The following ANK1 variants were observed in gnomAD, a reference collection of about 807,000 sequenced individuals.
ANK1 encodes the protein ankyrin 1.
ANK1 carries 51 observed loss-of-function variants against 210.4 expected under a neutral mutation model. The ratio of observed to expected loss-of-function variants is 0.24; its 90% CI spans 0.19 to 0.31. ANK1 has a LOEUF of 0.31. Ranked by LOEUF, ANK1 falls within the 10% of genes least tolerant of loss-of-function variation. The pLI is 1.00. For synonymous variants in ANK1, 967 were observed against 1,025.9 expected (o/e 0.94, Z 1.10); for missense variants, 2,051 against 2,504.4 (o/e 0.82, Z 3.86).
chr8:41,820,835 C>T (rs1309821915), intron 1 of ANK1, among the ~76,000 whole-genome samples: 2 of 152,086 alleles, frequency 1.3e-5, no homozygotes, highest in African/African-American at 4.8e-5. Flanking sequence ...AAAGCTGATA[C>T]GGCATCCTGA....
intron 1 of ANK1, among the ~76,000 whole-genome samples, chr8:41,785,936 AG>A: frequency 6.6e-6 from 1 of 152,138 alleles, no homozygotes; most frequent in East Asian, 1.9e-4. Context: ...CGTTGTCATC[AG>A]CGGTACTCTC....
At position 41,703,422 on chromosome 8, in the gene ANK1, G is replaced by GTGTATATATA. The variant is rs1286560913; in HGVS notation, c.2295+618_2295+619insTATATATACA. On this transcript the variant is annotated intron_variant, in intron 20 of 42. Coordinates refer to ENST00000289734, the MANE Select transcript of ANK1 (RefSeq NM_000037.4). Reference sequence around the variant, plus strand: ...TATATGTGTGTGTGTGTGTGTGTGTGTATATATATATATATATATATATAT... The same window carrying GTGTATATATA: ...TATATGTGTGTGTGTGTGTGTGTGTGTGTATATATATATATATATATATATATATATATAT... Among the ~76,000 whole-genome samples the GTGTATATATA allele has an allele frequency of 5.6e-3, 300 of 53,656 alleles. 3 individuals are homozygous for GTGTATATATA. Among genetic ancestry groups the GTGTATATATA allele is most frequent in the Non-Finnish European group, 8.0e-3 (229 of 28,734 alleles). The allele number at this position is 53,656 out of a possible 152,430, so 35.2% of individuals were successfully genotyped here.
rs750102641 is a variant in ANK1 at position 41,725,803 on chromosome 8, C to G, written c.570G>C (p.Ala190=). ...AARNDDTRTA[A]VLLQNDPNPD... ...GGTTGGGGTCGTTCTGCAGCAGCAC[C>G]GCAGCCGTGCGCGTGTCGTCGTTGC... Residue 190 remains alanine, a synonymous_variant, in exon 6 of 43, where the codon GCG becomes GCC. Transcript: ENST00000289734. 4 of 1,611,676 alleles carry G rather than the reference C, an allele frequency of 2.5e-6. No individual in the cohort carries two copies. In the Admixed American group the frequency reaches 5.0e-5, roughly 20 times the overall value.
rs1199785583 is a variant in ANK1, at chr8:41,694,341, T to C, written c.3328-239A>G. On this transcript the variant is annotated intron_variant, in intron 28 of 42. Transcript: ENST00000289734. The surrounding 1 kb of genome is among the most constrained non-coding windows in gnomAD (Gnocchi z 5.7). The stretch of plus-strand genomic sequence containing the variant: ...CACCACAGTCAACTCCCGGAGGTCA[T>C]GCGGTTCCTGCATGCTGCACAGACT... 6.6e-6 allele frequency among the ~76,000 whole-genome samples: 1 copy of C among 152,226 alleles called. No homozygotes were observed. Among genetic ancestry groups the C allele is most frequent in the Non-Finnish European group, 1.5e-5 (1 of 68,034 alleles).
At chr8:41,710,474 A>G (rs1825825480) in intron 16 of ANK1, among the ~76,000 whole-genome samples, 1 of 152,226 alleles carries the variant, frequency 6.6e-6, no homozygotes, top group South Asian at 2.1e-4. Flanking sequence ...GGACCTTGTT[A>G]AAATGCAGTG....
intron 37 of ANK1, among the ~76,000 whole-genome samples, chr8:41,673,305 G>A (rs1032422207): frequency 6.6e-6 from 1 of 152,148 alleles, no homozygotes; most frequent in African/African-American, 2.4e-5. Context: ...CTCCATGGCT[G>A]GGCAGAAGTA....
In ANK1 at chr8:41,709,117, T is replaced by TAAAC. The variant is rs111376912; in HGVS notation, c.1801-146_1801-143dup. On this transcript the variant is annotated intron_variant, in intron 16 of 42. Coordinates refer to ENST00000289734, the MANE Select transcript of ANK1 (RefSeq NM_000037.4). ...TGGCATCACCCAGGAGCAATTTAGG[T>TAAAC]AAACAAACAAACAAACAAAATCCAT... 595,670 of 616,656 alleles carry TAAAC rather than the reference T, an allele frequency of 0.97. 288,672 individuals are homozygous for TAAAC. The highest frequency in any genetic ancestry group is 0.99 in the South Asian group (51,855 of 52,294). The allele number at this position is 616,656 out of a possible 1,614,324, so 38.2% of individuals were successfully genotyped here. A position where few individuals can be genotyped will look rare whatever the true frequency, so the allele number is the denominator to read the frequency against.
rs1843553685 is a variant in ANK1 at position 41,774,273 on chromosome 8, A to G, written c.28-16136T>C. Among the ~76,000 whole-genome samples the G allele has an allele frequency of 2.6e-5, 4 of 152,364 alleles. No homozygotes were observed. The South Asian group carries it at 8.3e-4, about 32-fold the overall frequency. On this transcript the variant is annotated intron_variant, in intron 1 of 42. Coordinates refer to ENST00000289734, the MANE Select transcript of ANK1 (RefSeq NM_000037.4). ...AACCAGGTAGGAGCTCCCACCAGTC[A>G]TGCTGAAAACAACAGACATGAGTTT...
chr8:41,794,824 C>A (rs368270692), intron 1 of ANK1, among the ~76,000 whole-genome samples: 59 of 152,300 alleles, frequency 3.9e-4, no homozygotes, highest in African/African-American at 1.4e-3. Context: ...CCTGCCTCAG[C>A]CTCCTAAGTA....
At chr8:41,677,332 GCTTT>G (rs970051614) in intron 37 of ANK1, among the ~76,000 whole-genome samples, 12 of 152,054 alleles carry the variant, frequency 7.9e-5, no homozygotes, top group African/African-American at 2.4e-4. Context: ...AAGTTTTTCT[GCTTT>G]CTGTGTCACT....
chr8:41,656,625 C>T (rs1805809970), intron 42 of ANK1, among the ~76,000 whole-genome samples: 1 of 152,196 alleles, frequency 6.6e-6, no homozygotes, highest in African/African-American at 2.4e-5. Flanking sequence ...TGCAGGGGCC[C>T]TGGGACCACT....
In ANK1 at chr8:41,723,554, T is replaced by C; in HGVS notation, c.791A>G (p.Gln264Arg). 6.2e-7 allele frequency: 1 copy of C among 1,614,054 alleles called. No individual in the cohort carries two copies. Among genetic ancestry groups the C allele is most frequent in the Non-Finnish European group, 8.5e-7 (1 of 1,179,980 alleles). The part of the protein sequence containing the change: ...MVRLLLDRGA[Q>R]IETKTKDELT... ...ACCCACCTTGGTCTTGGTTTCTATC[T>C]GGGCTCCCCGATCCAGCAGCAGCCG... The change falls in exon 8 of 43, where the codon CAG (glutamine) becomes CGG (arginine). Residue 264 changes from glutamine to arginine, a missense_variant. Physicochemically the swap from Gln to Arg is conservative, Grantham distance 43. This residue lies in a region of ANK1 where 1,413 missense variants were observed against 1,707.4 expected (regional missense o/e 0.83). Transcript: ENST00000289734.
chr8:41,896,642 G>A, exon 1 of ANK1: 1 of 992,918 alleles, frequency 1.0e-6, no homozygotes, highest in Non-Finnish European at 1.3e-6. Flanking sequence ...GGAAGGCGAA[G>A]GCAGTTCCGG....
In ANK1 at chr8:41,697,083, CG is replaced by C. The variant is rs990569515; in HGVS notation, c.2638-311del. On this transcript the variant is annotated intron_variant, in intron 24 of 42. Transcript: ENST00000289734. ...AGGCCCGCTGCACCTGCTGCAGACC[CG>C]CCCCCCTTCTCTCCAGCTCTGCCCA... 5.0e-4 allele frequency among the ~76,000 whole-genome samples: 15 copies of C among 30,176 alleles called. No homozygotes were observed. In the East Asian group the frequency reaches 0.032, roughly 65 times the overall value. 19.8% of individuals were successfully genotyped at this position (30,176 alleles called of 152,430 possible).
chr8:41,837,447 G>A (rs1468649085), intron 1 of ANK1, among the ~76,000 whole-genome samples: 1 of 152,202 alleles, frequency 6.6e-6, no homozygotes, highest in African/African-American at 2.4e-5. Context: ...CACCATTAGT[G>A]ACCTCCTGAT....
chr8:41,859,526 T>C (rs1812871749), intron 1 of ANK1, among the ~76,000 whole-genome samples: 2 of 152,198 alleles, frequency 1.3e-5, no homozygotes, highest in Admixed American at 1.3e-4. Context: ...TTTGTATTTT[T>C]AGTAGAGATG....
chr8:41,729,754 G>A (rs1170917025), intron 3 of ANK1, among the ~76,000 whole-genome samples: 9 of 152,288 alleles, frequency 5.9e-5, no homozygotes, highest in South Asian at 4.2e-4. Flanking sequence ...ATCTGTTCCC[G>A]GGATACCCAC....
chr8:41,846,553 G>C, intron 1 of ANK1, among the ~76,000 whole-genome samples: 1 of 152,220 alleles, frequency 6.6e-6, no homozygotes, highest in East Asian at 1.9e-4. Context: ...GGGGCCAAGG[G>C]GAAATTGCTT....
At chr8:41,812,843 TC>T (rs1352600088) in intron 1 of ANK1, among the ~76,000 whole-genome samples, 1 of 152,094 alleles carries the variant, frequency 6.6e-6, no homozygotes, top group African/African-American at 2.4e-5. Flanking sequence ...GGGTTAACAC[TC>T]CTATGAGAAT....
Sources: allele counts gnomAD v4.1 joint callset (sites outside exome capture counted in the v4.1 genomes callset), GRCh38; gene constraint gnomAD v4.1.1; regional missense constraint gnomAD v4.1.1; non-coding constraint Gnocchi (gnomAD v3.1); transcripts MANE v1.5; gene names NCBI Gene and HGNC (gene_info 2026-07-23, HGNC 2026-07-21).